Variants in PRKCH observed in about 807,000 individuals in gnomAD.
PRKCH encodes the protein protein kinase C eta.
Under a neutral mutation model 82.5 loss-of-function variants are expected in PRKCH, and 28 were observed. That is an observed-to-expected ratio of 0.34 (90% confidence interval 0.25 to 0.47). The LOEUF (loss-of-function observed/expected upper bound fraction) is 0.47. Among genes scored for constraint, PRKCH ranks in the 20% least tolerant of loss-of-function variants. The pLI is 1.00. For missense variants in PRKCH, 705 were observed against 881.8 expected, an observed-to-expected ratio of 0.80 and a Z score of 2.54; for synonymous variants, 322 against 327.4, an observed-to-expected ratio of 0.98 and a Z score of 0.18.
At chr14:61,338,420 A>G (rs1040612297) in intron 1 of PRKCH, among the ~76,000 whole-genome samples, 48 of 152,326 alleles carry the variant, frequency 3.2e-4, no homozygotes, top group Middle Eastern at 3.4e-3. Flanking sequence ...GAGAATGAAT[A>G]TACCAGTATG....
At chr14:61,201,769 C>T (rs548645578) in intron 1 of PRKCH, among the ~76,000 whole-genome samples, 3 of 152,010 alleles carry the variant, frequency 2.0e-5, no homozygotes, top group South Asian at 2.1e-4. Flanking sequence ...GAGTCAAATT[C>T]GTAATTTTTT....
intron 1 of PRKCH, among the ~76,000 whole-genome samples, chr14:61,244,196 C>G (rs964388166): frequency 1.3e-5 from 2 of 152,100 alleles, no homozygotes; most frequent in African/African-American, 4.8e-5. Context: ...CATGGAAATG[C>G]AAAACAATTC....
Position 61,539,764 on chromosome 14 carries a change from C to T in PRKCH, c.1762-7979C>T, listed in dbSNP as rs7146205. ...CAAAAATAGAAGAAAGAAAAGAGTC[C>T]CTTGATATGGGCACAGACTGTGGAG... On this transcript the variant is annotated intron_variant, in intron 12 of 13. Transcript: ENST00000332981. 5.8e-3 allele frequency among the ~76,000 whole-genome samples: 888 copies of T among 152,174 alleles called. 7 individuals carry two copies. The highest frequency in any genetic ancestry group is 0.02 in the African/African-American group (834 of 41,508).
At chr14:61,398,326 G>A (rs535465026) in intron 2 of PRKCH, among the ~76,000 whole-genome samples, 56 of 152,200 alleles carry the variant, frequency 3.7e-4, no homozygotes, top group Middle Eastern at 3.4e-3. Context: ...TGAAACAATG[G>A]AAACTGAGGA....
intron 1 of PRKCH, among the ~76,000 whole-genome samples, chr14:61,273,410 G>A (rs999847350): frequency 3.9e-5 from 6 of 151,922 alleles, no homozygotes; most frequent in African/African-American, 1.5e-4. Context: ...TGGATTCTGG[G>A]GTAATTACCA....
chr14:61,227,386 G>A (rs1283775654), intron 1 of PRKCH, among the ~76,000 whole-genome samples: 1 of 152,206 alleles, frequency 6.6e-6, no homozygotes, highest in Non-Finnish European at 1.5e-5. Context: ...GAGGTCAGGA[G>A]ATCGGGACCA....
At chr14:61,383,708 G>A (rs1218264368) in intron 1 of PRKCH, among the ~76,000 whole-genome samples, 1 of 151,954 alleles carries the variant, frequency 6.6e-6, no homozygotes, top group Admixed American at 6.6e-5. Flanking sequence ...ATAGATAGGT[G>A]CGGTGAAGAG....
At chr14:61,203,814 C>T (rs1177887896) in intron 1 of PRKCH, among the ~76,000 whole-genome samples, 1 of 151,884 alleles carries the variant, frequency 6.6e-6, no homozygotes, top group African/African-American at 2.4e-5. Flanking sequence ...GCACTCCAGC[C>T]TGGGAGACAA....
intron 1 of PRKCH, among the ~76,000 whole-genome samples, chr14:61,310,038 C>A (rs535819775): frequency 7.9e-5 from 12 of 152,246 alleles, no homozygotes; most frequent in Middle Eastern, 3.4e-3. Flanking sequence ...AACCGCCCCC[C>A]CTCCGTGATC....
chr14:61,280,417 C>G lies in PRKCH; in HGVS notation c.-19+92749C>G, dbSNP rs1176365277. On this transcript the variant is annotated intron_variant, in intron 1 of 3. Coordinates refer to the PRKCH transcript ENST00000555185. The surrounding 1 kb of genome is among the most constrained non-coding windows in gnomAD (Gnocchi z 5.0). ...CACCACGAAGTCCTGATTGATGAAG[C>G]CGGTGTTGTTGGGGTCGGGGCTGAG... 1 of 1,614,014 alleles carries G rather than the reference C, an allele frequency of 6.2e-7. No individual in the cohort carries two copies. The highest frequency in any genetic ancestry group is 1.7e-5 in the Admixed American group (1 of 60,028).
intron 1 of PRKCH, among the ~76,000 whole-genome samples, chr14:61,360,682 A>T (rs1594945202): frequency 6.6e-6 from 1 of 152,212 alleles, no homozygotes; most frequent in Non-Finnish European, 1.5e-5. Context: ...GAAAGGCAGG[A>T]TCTTCTACTT....
At chr14:61,331,404 G>A (rs927203095) in intron 1 of PRKCH, among the ~76,000 whole-genome samples, 4 of 152,030 alleles carry the variant, frequency 2.6e-5, no homozygotes, top group African/African-American at 7.2e-5. Flanking sequence ...CTGTAGTCCC[G>A]TGTACTGGGG....
At chr14:61,444,921 G>A (rs1884149343) in intron 3 of PRKCH, among the ~76,000 whole-genome samples, 2 of 152,194 alleles carry the variant, frequency 1.3e-5, no homozygotes, top group South Asian at 2.1e-4. Flanking sequence ...TTATGGATGA[G>A]GAAACTGTGG....
intron 1 of PRKCH, chr14:61,279,651 CAAAGA>C (rs2045238063): frequency 6.4e-6 from 1 of 156,460 alleles, no homozygotes; most frequent in African/African-American, 2.4e-5. Flanking sequence ...TCTCCCCGAC[CAAAGA>C]AAAGAAAACC....
intron 1 of PRKCH, among the ~76,000 whole-genome samples, chr14:61,338,588 A>G (rs974286174): frequency 6.6e-6 from 1 of 152,202 alleles, no homozygotes; most frequent in Non-Finnish European, 1.5e-5. Flanking sequence ...TCCAGCACAC[A>G]CTATGTCAGG....
intron 2 of PRKCH, among the ~76,000 whole-genome samples, chr14:61,440,248 T>C (rs1233464845): frequency 6.6e-6 from 1 of 152,206 alleles, no homozygotes; most frequent in Non-Finnish European, 1.5e-5. Context: ...AAGAGGGCAG[T>C]GTAGTGTAGT....
intron 10 of PRKCH, among the ~76,000 whole-genome samples, chr14:61,511,831 T>C (rs1166334673): frequency 6.6e-6 from 1 of 152,144 alleles, no homozygotes; most frequent in East Asian, 1.9e-4. Context: ...GATCAAAAAC[T>C]TCAAGTTCAC....
intron 1 of PRKCH, among the ~76,000 whole-genome samples, chr14:61,390,536 G>A (rs2046661306): frequency 6.6e-6 from 1 of 152,162 alleles, no homozygotes; most frequent in Admixed American, 6.5e-5. Flanking sequence ...ATCAGATGTG[G>A]TGGCACACGC....
intron 1 of PRKCH, among the ~76,000 whole-genome samples, chr14:61,256,840 T>C (rs1328680723): frequency 6.6e-6 from 1 of 152,248 alleles, no homozygotes. Flanking sequence ...CTTGCCTCTG[T>C]CAATGGCTTC....
Sources: gnomAD v4.1 joint callset for allele counts (sites outside exome capture counted in the v4.1 genomes callset) on GRCh38, gnomAD v4.1.1 for gene constraint, Gnocchi (gnomAD v3.1) non-coding constraint, MANE v1.5 for transcripts, NCBI Gene and HGNC (gene_info 2026-07-23, HGNC 2026-07-21) for gene names.